The following STAP1 variants were observed in gnomAD, a reference collection of about 807,000 sequenced individuals.
The protein encoded by STAP1 is signal transducing adaptor family member 1, also known as signal-transducing adaptor protein 1.
A neutral mutation model predicts 37.8 loss-of-function variants in STAP1; 30 were observed. That is an observed-to-expected ratio of 0.79 (90% CI 0.59 to 1.08). The LOEUF (loss-of-function observed/expected upper bound fraction) is 1.08. Among genes scored for constraint, STAP1 ranks in the 50% least tolerant of loss-of-function variants. The probability of loss-of-function intolerance (pLI) is 0.00; values close to 1 mark genes in which losing one functional copy is unlikely to be tolerated. For synonymous variants in STAP1, 130 were observed against 116.0 expected, an observed-to-expected ratio of 1.12 and a Z score of -0.78; for missense variants, 357 against 349.4, an observed-to-expected ratio of 1.02 and a Z score of -0.17.
At chr4:67,590,469 A>G (rs1210223484) in intron 6 of STAP1, among the ~76,000 whole-genome samples, 1 of 152,174 alleles carries the variant, frequency 6.6e-6, no homozygotes, top group Non-Finnish European at 1.5e-5. Flanking sequence ...AAAGCAATGT[A>G]CTTTTAATAA....
chr4:67,596,379 G>A (rs988106389), intron 8 of STAP1, among the ~76,000 whole-genome samples: 2 of 152,170 alleles, frequency 1.3e-5, no homozygotes, highest in African/African-American at 4.8e-5. Flanking sequence ...CTAGTCTCAG[G>A]TAGTATCTTT....
chr4:67,583,967 A>G (rs1241911796), intron 6 of STAP1, among the ~76,000 whole-genome samples: 1 of 151,994 alleles, frequency 6.6e-6, no homozygotes. Context: ...GCGTGGTGGC[A>G]CGTGCCTGTA....
Position 67,603,864 on chromosome 4 carries a change from G to A in STAP1, c.827-2432G>A, listed in dbSNP as rs142420527. On this transcript the variant is annotated intron_variant, in intron 8 of 8. Coordinates refer to ENST00000265404, the MANE Select transcript of STAP1 (RefSeq NM_012108.4). ...GAGGGGTGCCACAAGCACTCCCCTGGTCACCCCAGCTGGTGTCTCACTAGG... is the reference window on the plus strand; with the variant it reads ...GAGGGGTGCCACAAGCACTCCCCTGATCACCCCAGCTGGTGTCTCACTAGG... 5.6e-3 allele frequency among the ~76,000 whole-genome samples: 857 copies of A among 152,088 alleles called. 9 individuals carry two copies. Among genetic ancestry groups the A allele is most frequent in the South Asian group, 0.024 (114 of 4,810 alleles).
rs1428189634 is a variant in STAP1, at chr4:67,575,421, C to A, written c.229C>A (p.Leu77Ile). 2.5e-6 allele frequency: 4 copies of A among 1,602,284 alleles called. No homozygotes were observed. The highest frequency in any genetic ancestry group is 3.4e-6 in the Non-Finnish European group (4 of 1,176,718). Residue 77 changes from leucine (L) to isoleucine (I), a missense_variant, in exon 3 of 9, where the codon CTT (leucine) becomes ATT (isoleucine). By Grantham distance (5) the Leu-to-Ile change is conservative. Coordinates refer to ENST00000265404, the MANE Select transcript of STAP1 (RefSeq NM_012108.4). ...DKLDIVDLTC[L>I]TEQNSTEKNC... Reference sequence around the variant, plus strand: ...ATTAGACATAGTAGACCTCACATGCCTTACTGAGCAGAATTCAACTGAAAA... The same window carrying A: ...ATTAGACATAGTAGACCTCACATGCATTACTGAGCAGAATTCAACTGAAAA...
chr4:67,594,499 T>A (rs1300560371), intron 8 of STAP1, among the ~76,000 whole-genome samples: 1 of 152,164 alleles, frequency 6.6e-6, no homozygotes, highest in Non-Finnish European at 1.5e-5. Context: ...TTAAATTTGA[T>A]TTTTGAAGCA....
chr4:67,566,285 A>G (rs961548537), intron 1 of STAP1, among the ~76,000 whole-genome samples: 2 of 151,982 alleles, frequency 1.3e-5, no homozygotes, highest in Non-Finnish European at 2.9e-5. Flanking sequence ...ATACTCTTTT[A>G]TTAGAATTTT....
In STAP1 at chr4:67,583,800, A is replaced by G. The variant is rs1727920671; in HGVS notation, c.659+98A>G. 4.2e-6 allele frequency: 6 copies of G among 1,428,322 alleles called. No homozygotes were observed. In the Admixed American group the frequency reaches 9.5e-5, roughly 23 times the overall value. 88.5% of individuals were successfully genotyped at this position (1,428,322 alleles called of 1,614,324 possible). A position where few individuals can be genotyped will look rare whatever the true frequency, so the allele number is the denominator to read the frequency against. On this transcript the variant is annotated intron_variant, in intron 6 of 8. Coordinates refer to ENST00000265404, the MANE Select transcript of STAP1 (RefSeq NM_012108.4). ...CCTGCTATGTGTTTCGTTGGGGCTG[A>G]AAATATGAACACAAGTGGCCGGGTG...
chr4:67,568,465 G>A (rs974272709), intron 1 of STAP1, among the ~76,000 whole-genome samples: 2 of 152,066 alleles, frequency 1.3e-5, no homozygotes, highest in African/African-American at 4.8e-5. Context: ...GATGTGAAAG[G>A]ATTTTATTTT....
In STAP1 at chr4:67,581,346, A is replaced by G; in HGVS notation, c.405A>G (p.Val135=). 1 of 1,614,038 alleles carries G rather than the reference A, an allele frequency of 6.2e-7. No individual in the cohort carries two copies. The highest frequency in any genetic ancestry group is 1.3e-5 in the African/African-American group (1 of 75,060). The part of the protein sequence containing the change: ...PQNVSLLPGQ[V]IKLHEVLERE... ...ACGTGTCACTCCTACCTGGGCAAGTAATTAAACTGCATGAAGTCCTAGAGA... is the reference window on the plus strand; with the variant it reads ...ACGTGTCACTCCTACCTGGGCAAGTGATTAAACTGCATGAAGTCCTAGAGA... The change falls in exon 5 of 9, where the codon GTA becomes GTG. Residue 135 remains valine, a synonymous_variant. Transcript: ENST00000265404.
intron 8 of STAP1, among the ~76,000 whole-genome samples, chr4:67,604,013 G>C (rs1214338887): frequency 6.6e-6 from 1 of 152,172 alleles, no homozygotes; most frequent in African/African-American, 2.4e-5. Flanking sequence ...ACTTTAGCCT[G>C]TGGTGTTGAG....
chr4:67,570,314 G>T (rs1012059956), intron 1 of STAP1, among the ~76,000 whole-genome samples: 1 of 152,108 alleles, frequency 6.6e-6, no homozygotes, highest in Non-Finnish European at 1.5e-5. Flanking sequence ...CAGTAGGTTT[G>T]TTTGCCAGCA....
intron 1 of STAP1, among the ~76,000 whole-genome samples, chr4:67,559,997 A>G (rs1727296949): frequency 6.6e-6 from 1 of 152,166 alleles, no homozygotes; most frequent in Non-Finnish European, 1.5e-5. Context: ...GATTGATCCT[A>G]TATGCTTTTA....
chr4:67,591,383 C>T (rs931674439), intron 7 of STAP1, among the ~76,000 whole-genome samples: 2 of 152,182 alleles, frequency 1.3e-5, no homozygotes, highest in South Asian at 2.1e-4. Context: ...ACTCTTCTCC[C>T]ACCCAAGCTG....
chr4:67,575,787 G>A (rs1727706807), intron 3 of STAP1, among the ~76,000 whole-genome samples: 1 of 152,160 alleles, frequency 6.6e-6, no homozygotes, highest in South Asian at 2.1e-4. Flanking sequence ...TTCAAAATGA[G>A]CCAATAAAAG....
chr4:67,562,559 A>G (rs1727372746), intron 1 of STAP1, among the ~76,000 whole-genome samples: 1 of 148,352 alleles, frequency 6.7e-6, no homozygotes, highest in South Asian at 2.1e-4. Context: ...AGGTCAGAAG[A>G]TTGAGACCAT....
intron 8 of STAP1, among the ~76,000 whole-genome samples, chr4:67,594,229 A>C (rs1439118731): frequency 1.3e-5 from 2 of 152,208 alleles, no homozygotes; most frequent in Non-Finnish European, 2.9e-5. Context: ...TTATTTGGCT[A>C]TCTGCATTGG....
chr4:67,590,952 C>T lies in STAP1; in HGVS notation c.728C>T (p.Pro243Leu). Residue 243 changes from proline (P) to leucine (L), a missense_variant and splice_region_variant, in exon 7 of 9, where the codon CCT becomes CTT. Transcript: ENST00000265404. ...AACTACACTATTGAACTGGAAAAAC[C>T]TGTAAGTAACTATTTTTGTTGTTGT... ...GQNYTIELEK[P>L]VTLPNLFSVI... 1 of 1,608,702 alleles carries T rather than the reference C, an allele frequency of 6.2e-7. No homozygotes were observed. Among genetic ancestry groups the T allele is most frequent in the Non-Finnish European group, 8.5e-7 (1 of 1,176,732 alleles).
chr4:67,559,732 T>C (rs958168752), intron 1 of STAP1, among the ~76,000 whole-genome samples: 1 of 152,082 alleles, frequency 6.6e-6, no homozygotes, highest in Non-Finnish European at 1.5e-5. Context: ...GTATACTGAC[T>C]AAAACTAGAA....
At chr4:67,583,746 G>T (rs1225842072) in intron 6 of STAP1, 44 bp downstream of exon 6, 4 of 1,590,036 alleles carry the variant, frequency 2.5e-6, no homozygotes, top group Non-Finnish European at 3.4e-6. Flanking sequence ...TAAAAGCGTG[G>T]TATCACTAAA....
Sources: allele counts gnomAD v4.1 joint callset (sites outside exome capture counted in the v4.1 genomes callset), GRCh38; gene constraint gnomAD v4.1.1; transcripts MANE v1.5; gene names NCBI Gene and HGNC (gene_info 2026-07-23, HGNC 2026-07-21).